The following AFG3L2 variants were observed in gnomAD, a reference collection of about 807,000 sequenced individuals.
AFG3L2 encodes mitochondrial inner membrane m-AAA protease component AFG3L2.
A neutral mutation model predicts 94.5 loss-of-function variants in AFG3L2; 54 were observed. The ratio of observed to expected loss-of-function variants is 0.57; its 90% CI spans 0.46 to 0.72. The LOEUF (loss-of-function observed/expected upper bound fraction) is 0.72. AFG3L2 is among the 30% of genes least tolerant of loss of function. The probability of loss-of-function intolerance (pLI) is 0.00; values close to 1 mark genes in which losing one functional copy is unlikely to be tolerated. For synonymous variants in AFG3L2, 377 were observed against 365.5 expected, an observed-to-expected ratio of 1.03 and a Z score of -0.36; for missense variants, 754 against 994.9, an observed-to-expected ratio of 0.76 and a Z score of 3.26.
At chr18:12,333,640 T>C (rs909786765) in intron 16 of AFG3L2, among the ~76,000 whole-genome samples, 1 of 152,054 alleles carries the variant, frequency 6.6e-6, no homozygotes. Context: ...GCTGGGATTA[T>C]AGACATGTGC....
In AFG3L2 at chr18:12,348,922, A is replaced by C. The variant is rs147364745; in HGVS notation, c.1553-539T>G. 2.6e-3 allele frequency among the ~76,000 whole-genome samples: 397 copies of C among 152,384 alleles called. 2 individuals carry two copies. Among genetic ancestry groups the C allele is most frequent in the African/African-American group, 9.2e-3 (382 of 41,588 alleles). On this transcript the variant is annotated intron_variant, in intron 12 of 16. Transcript: ENST00000269143. Reference sequence around the variant, plus strand: ...TATGGTAGCATAAATAAGCTACAGCATACCATCTGTGTTAAATAAACAAAT... The same window carrying C: ...TATGGTAGCATAAATAAGCTACAGCCTACCATCTGTGTTAAATAAACAAAT...
chr18:12,351,855 G>GT (rs200992735), intron 10 of AFG3L2, among the ~76,000 whole-genome samples: 1 of 151,984 alleles, frequency 6.6e-6, no homozygotes, highest in East Asian at 1.9e-4. Context: ...CCTATCCAGT[G>GT]TTTTTTAAGT....
intron 6 of AFG3L2, among the ~76,000 whole-genome samples, chr18:12,363,434 C>T (rs1908718448): frequency 6.6e-6 from 1 of 152,150 alleles, no homozygotes; most frequent in South Asian, 2.1e-4. Context: ...AAAACATAGG[C>T]AATTGAGATT....
chr18:12,333,984 G>C (rs1907666410), intron 16 of AFG3L2, among the ~76,000 whole-genome samples: 1 of 152,186 alleles, frequency 6.6e-6, no homozygotes, highest in Non-Finnish European at 1.5e-5. Context: ...TGATGTAAGA[G>C]GTCACTAATG....
Position 12,348,379 on chromosome 18 carries a change from A to T in AFG3L2, c.1557T>A (p.Ala519=). 1 of 1,613,946 alleles carries T rather than the reference A, an allele frequency of 6.2e-7. No homozygotes were observed. Among genetic ancestry groups the T allele is most frequent in the Non-Finnish European group, 8.5e-7 (1 of 1,179,810 alleles). The change falls in exon 13 of 17, where the codon GCT becomes GCA. Residue 519 remains alanine, a synonymous_variant. Coordinates refer to ENST00000269143, the MANE Select transcript of AFG3L2 (RefSeq NM_006796.3). ...LASLTPGFSG[A]DVANVCNEAA... Reference sequence around the variant, plus strand: ...CTTCATTACAGACATTAGCAACATCAGCACCTAAAAAATGAACACAGAACA... The same window carrying T: ...CTTCATTACAGACATTAGCAACATCTGCACCTAAAAAATGAACACAGAACA...
rs147520221 is a variant in AFG3L2 at position 12,360,707 on chromosome 18, T to C, written c.628-656A>G. On this transcript the variant is annotated intron_variant, in intron 6 of 16. Coordinates refer to ENST00000269143, the MANE Select transcript of AFG3L2 (RefSeq NM_006796.3). ...GGCCAGGTCAAGGCTATTCTACCAA[T>C]CAGCACATAATTATTTCCTATTGTA... Among the ~76,000 whole-genome samples, 1,457 of 152,266 alleles carry C rather than the reference T, an allele frequency of 9.6e-3. 9 individuals carry two copies. The highest frequency in any genetic ancestry group is 0.018 in the African/African-American group (742 of 41,564).
chr18:12,341,173 A>G (rs139686086), intron 14 of AFG3L2: 10 of 152,070 alleles, frequency 6.6e-5, no homozygotes, highest in African/African-American at 2.4e-4. Context: ...ACGTGGCCAC[A>G]CCCTCCTTTG....
intron 16 of AFG3L2, among the ~76,000 whole-genome samples, chr18:12,332,947 TATATTATATACTATA>T (rs1568131861): frequency 7.5e-5 from 9 of 120,704 alleles, no homozygotes; most frequent in Non-Finnish European, 9.8e-5. Context: ...TAACATATAA[TATATTATATACTATA>T]ATATATTATA....
At chr18:12,367,526 AAG>A (rs1176535584) in intron 3 of AFG3L2, 144 bp from the exon 4 acceptor site, 26 of 788,956 alleles carry the variant, frequency 3.3e-5, no homozygotes, top group Non-Finnish European at 5.6e-5. Context: ...CACTATGAGA[AAG>A]AATACAAATA....
chr18:12,373,029 T>C (rs1429790373), intron 1 of AFG3L2, among the ~76,000 whole-genome samples: 2 of 152,248 alleles, frequency 1.3e-5, no homozygotes, highest in Non-Finnish European at 2.9e-5. Flanking sequence ...AGATGAACAA[T>C]GGTTTGTAAA....
chr18:12,376,969 C>T lies in AFG3L2; in HGVS notation c.114G>A (p.Thr38=). 1.4e-6 allele frequency: 2 copies of T among 1,456,108 alleles called. No individual in the cohort carries two copies. The highest frequency in any genetic ancestry group is 1.8e-6 in the Non-Finnish European group (2 of 1,107,990). 90.2% of individuals were successfully genotyped at this position (1,456,108 alleles called of 1,614,324 possible). Reference sequence around the variant, plus strand: ...CGCCGGGCGCCCAGGTAGGACTCACCGTCCGGAGGCAGGGCTGCTCGCCCG... The same window carrying T: ...CGCCGGGCGCCCAGGTAGGACTCACTGTCCGGAGGCAGGGCTGCTCGCCCG... The part of the protein sequence containing the change: ...VGPGEQPCLR[T]LYRFVTTQAR... Residue 38 remains threonine, a splice_region_variant and synonymous_variant, in exon 1 of 17, where the codon ACG becomes ACA. Coordinates refer to ENST00000269143, the MANE Select transcript of AFG3L2 (RefSeq NM_006796.3).
At chr18:12,348,911 T>C (rs751713799) in intron 12 of AFG3L2, among the ~76,000 whole-genome samples, 5 of 152,234 alleles carry the variant, frequency 3.3e-5, no homozygotes, top group Non-Finnish European at 7.3e-5. Context: ...GTAGCATAAA[T>C]AAGCTACAGC....
chr18:12,370,462 T>C (rs1437370158), intron 3 of AFG3L2, among the ~76,000 whole-genome samples: 3 of 132,836 alleles, frequency 2.3e-5, no homozygotes, highest in Admixed American at 7.9e-5. Context: ...ACTATAACTT[T>C]CTTTTTTTTT....
At position 12,329,796 on chromosome 18, in the gene AFG3L2, C is replaced by G; in HGVS notation, c.2176-13G>C. ...ACAGAAGAGCAACCTGAAATATGAA[C>G]AATTTTCATTAAATACAGTTACTCA... On this transcript the variant is annotated splice_polypyrimidine_tract_variant and intron_variant, in intron 16 of 16. Transcript: ENST00000269143. 1 of 1,600,250 alleles carries G rather than the reference C, an allele frequency of 6.2e-7. No homozygotes were observed. The highest frequency in any genetic ancestry group is 1.7e-4 in the Middle Eastern group (1 of 5,976).
intron 1 of AFG3L2, among the ~76,000 whole-genome samples, chr18:12,372,784 A>G (rs892243744): frequency 1.3e-5 from 2 of 152,268 alleles, no homozygotes; most frequent in Admixed American, 6.5e-5. Flanking sequence ...CAGACACAAA[A>G]GGTCACATAT....
chr18:12,360,997 A>G (rs1015983559), intron 6 of AFG3L2, among the ~76,000 whole-genome samples: 10 of 152,228 alleles, frequency 6.6e-5, no homozygotes, highest in Admixed American at 3.9e-4. Context: ...TTATAGTACA[A>G]AAAAACTTTG....
intron 16 of AFG3L2, among the ~76,000 whole-genome samples, chr18:12,335,960 T>C (rs1350744263): frequency 6.6e-6 from 1 of 152,208 alleles, no homozygotes; most frequent in Non-Finnish European, 1.5e-5. Flanking sequence ...AGCATAATCT[T>C]AGTGAAGCTG....
At position 12,358,847 on chromosome 18, in the gene AFG3L2, T is replaced by G. The variant is rs2143192244; in HGVS notation, c.849A>C (p.Arg283=). Residue 283 remains arginine (R), a synonymous_variant, in exon 8 of 17, where the codon CGA becomes CGC. Transcript: ENST00000269143. ...RGPAGIGRTG[R]GMGGLFSVGE... ...CGACACTGAAGAGTCCGCCCATCCC[T>G]CGGCCTGTCCGGCCAATGCCAGCAG... The G allele has an allele frequency of 6.2e-7, 1 of 1,614,218 alleles. No individual in the cohort carries two copies. The highest frequency in any genetic ancestry group is 2.2e-5 in the East Asian group (1 of 44,884).
rs530137653 is a variant in AFG3L2 at position 12,347,472 on chromosome 18, G to A, written c.1663+801C>T. ...CTATGGAATGCTAAGAAAACGCACT[G>A]TGTGCGCTCCCCCTATGCTGACTGA... is the stretch of plus-strand genomic sequence containing the variant. On this transcript the variant is annotated intron_variant, in intron 13 of 16. Transcript: ENST00000269143. 4.6e-5 allele frequency among the ~76,000 whole-genome samples: 7 copies of A among 152,270 alleles called. No individual in the cohort carries two copies. In the South Asian group the frequency reaches 1.5e-3, roughly 32 times the overall value.
Sources: allele counts gnomAD v4.1 joint callset (sites outside exome capture counted in the v4.1 genomes callset), GRCh38; gene constraint gnomAD v4.1.1; transcripts MANE v1.5; gene names NCBI Gene and HGNC (gene_info 2026-07-23, HGNC 2026-07-21).